The following AGTPBP1 variants were observed in gnomAD, a reference collection of about 807,000 sequenced individuals.
AGTPBP1 encodes cytosolic carboxypeptidase 1.
A neutral mutation model predicts 143.9 loss-of-function variants in AGTPBP1; 70 were observed. That is an observed-to-expected ratio of 0.49 (90% confidence interval 0.40 to 0.59). The LOEUF is 0.59. Among genes scored for constraint, AGTPBP1 ranks in the 20% least tolerant of loss-of-function variants. The pLI is 0.00. For missense variants in AGTPBP1, 1,229 were observed against 1,464.5 expected, an observed-to-expected ratio of 0.84 and a Z score of 2.62; for synonymous variants, 463 against 500.2, an observed-to-expected ratio of 0.93 and a Z score of 0.99.
At chr9:85,663,785 G>A (rs904467412) in intron 8 of AGTPBP1, among the ~76,000 whole-genome samples, 13 of 151,726 alleles carry the variant, frequency 8.6e-5, no homozygotes, top group African/African-American at 3.2e-4. Flanking sequence ...TCTACTCCTA[G>A]ATATCTATTC....
chr9:85,596,578 T>A (rs935959088), intron 17 of AGTPBP1, 129 bp from the exon 18 acceptor site: 24 of 586,876 alleles, frequency 4.1e-5, no homozygotes, highest in Admixed American at 7.0e-5. Flanking sequence ...TTTTTTAGTA[T>A]GTATTTTAAA....
chr9:85,708,540 T>TTTTG (rs145479986), intron 2 of AGTPBP1, among the ~76,000 whole-genome samples: 3 of 152,288 alleles, frequency 2.0e-5, no homozygotes, highest in Non-Finnish European at 2.9e-5. Context: ...CTTTATTGTT[T>TTTTG]TTTGTTTGTT....
the AGTPBP1 span, among the ~76,000 whole-genome samples, chr9:85,772,647 G>C: frequency 6.6e-6 from 1 of 152,042 alleles, no homozygotes; most frequent in Non-Finnish European, 1.5e-5. Context: ...CAGCTATGTG[G>C]GAGGCTGAGG....
chr9:85,749,297 G>A, the AGTPBP1 span, among the ~76,000 whole-genome samples: 5,825 of 152,074 alleles, frequency 0.038, 127 homozygotes, highest in Middle Eastern at 0.065. Context: ...ACCTTGCCAC[G>A]TAGGGCAATT....
At chr9:85,770,180 GT>G in the AGTPBP1 span, 1 of 737,844 alleles carries the variant, frequency 1.4e-6, no homozygotes, top group Non-Finnish European at 2.2e-6. Context: ...TAGTACAAGA[GT>G]GGTAATATCC....
At chr9:85,772,166 G>A in the AGTPBP1 span, among the ~76,000 whole-genome samples, 1 of 150,450 alleles carries the variant, frequency 6.6e-6, no homozygotes, top group Non-Finnish European at 1.5e-5. Context: ...AGTAGAGATG[G>A]GGTTTCACCA....
At chr9:85,680,528 G>A (rs1835102350) in intron 4 of AGTPBP1, among the ~76,000 whole-genome samples, 1 of 151,794 alleles carries the variant, frequency 6.6e-6, no homozygotes. Context: ...AGGTTGCATT[G>A]AGCCGAGATT....
At chr9:85,644,449 G>C (rs993289474) in intron 12 of AGTPBP1, among the ~76,000 whole-genome samples, 1 of 147,776 alleles carries the variant, frequency 6.8e-6, no homozygotes, top group East Asian at 1.9e-4. Context: ...AAAAAAAAAG[G>C]CTTTACCTGT....
intron 25 of AGTPBP1, among the ~76,000 whole-genome samples, chr9:85,574,969 A>G (rs774037764): frequency 6.6e-6 from 1 of 152,200 alleles, no homozygotes; most frequent in African/African-American, 2.4e-5. Context: ...TCGGCCTCCC[A>G]AAGTGCTGGG....
At chr9:85,612,962 C>A (rs1309510078) in intron 17 of AGTPBP1, among the ~76,000 whole-genome samples, 3 of 151,890 alleles carry the variant, frequency 2.0e-5, no homozygotes, top group Admixed American at 6.6e-5. Context: ...TCCAAGTGCC[C>A]ATGAGCACAA....
intron 3 of AGTPBP1, among the ~76,000 whole-genome samples, chr9:85,687,251 C>T (rs1310667012): frequency 6.6e-6 from 1 of 152,028 alleles, no homozygotes; most frequent in Non-Finnish European, 1.5e-5. Context: ...CAAAACCTGC[C>T]AAAATTAAAA....
chr9:85,585,381 G>A, intron 23 of AGTPBP1, 82 bp downstream of exon 23: 2 of 1,254,728 alleles, frequency 1.6e-6, no homozygotes, highest in Non-Finnish European at 1.0e-6. Context: ...TTTATTGAAT[G>A]TGAGTAGTTC....
chr9:85,601,620 A>G (rs1206664671), intron 17 of AGTPBP1, among the ~76,000 whole-genome samples: 1 of 152,168 alleles, frequency 6.6e-6, no homozygotes. Flanking sequence ...GGGTTGTCCC[A>G]CCACTGATCC....
At chr9:85,770,452 G>A in the AGTPBP1 span, 1 of 1,587,030 alleles carries the variant, frequency 6.3e-7, no homozygotes. Context: ...CCTGAGTCCT[G>A]TTGAGATTAG....
chr9:85,554,342 T>C (rs965883394), intron 25 of AGTPBP1: 3 of 152,188 alleles, frequency 2.0e-5, no homozygotes, highest in Non-Finnish European at 4.4e-5. Flanking sequence ...ATTTGACAAA[T>C]TTTTAAATTA....
intron 1 of AGTPBP1, among the ~76,000 whole-genome samples, chr9:85,725,108 G>A (rs987583724): frequency 2.0e-5 from 3 of 152,056 alleles, no homozygotes; most frequent in Non-Finnish European, 4.4e-5. Flanking sequence ...TACCAAATTC[G>A]TCACTTGTGA....
chr9:85,626,937 A>G (rs1255368407), intron 14 of AGTPBP1, among the ~76,000 whole-genome samples: 1 of 152,248 alleles, frequency 6.6e-6, no homozygotes, highest in African/African-American at 2.4e-5. Flanking sequence ...GAACATAACC[A>G]GGCAGATTTG....
intron 13 of AGTPBP1, among the ~76,000 whole-genome samples, chr9:85,640,416 A>G (rs1329888953): frequency 6.6e-6 from 1 of 152,272 alleles, no homozygotes; most frequent in East Asian, 1.9e-4. Flanking sequence ...GCTACTCTAT[A>G]TAAAACTTTA....
intron 25 of AGTPBP1, among the ~76,000 whole-genome samples, chr9:85,568,890 T>C (rs1197174352): frequency 6.6e-6 from 1 of 152,148 alleles, no homozygotes; most frequent in African/African-American, 2.4e-5. Context: ...AGTCACAAAC[T>C]GAGTTCTAGA....
Sources: allele counts gnomAD v4.1 joint callset (sites outside exome capture counted in the v4.1 genomes callset), GRCh38; gene constraint gnomAD v4.1.1; transcripts MANE v1.5; gene names NCBI Gene and HGNC (gene_info 2026-07-23, HGNC 2026-07-21).